The following FIGN variants were observed in gnomAD, a reference collection of about 807,000 sequenced individuals.
FIGN encodes the protein fidgetin.
In FIGN, 11 loss-of-function variants were observed where a neutral mutation model predicts 51.3. That is an observed-to-expected ratio of 0.21 (90% CI 0.13 to 0.35). FIGN has a LOEUF of 0.35. FIGN is among the 10% of genes least tolerant of loss of function. The pLI is 1.00. For missense variants in FIGN, 857 were observed against 943.6 expected (o/e 0.91, Z 1.20); for synonymous variants, 407 against 363.2 (o/e 1.12, Z -1.37).
At chr2:163,671,330 G>C (rs1005710117) in intron 2 of FIGN, among the ~76,000 whole-genome samples, 1 of 152,164 alleles carries the variant, frequency 6.6e-6, no homozygotes, top group African/African-American at 2.4e-5. Context: ...ACCATTTAGG[G>C]AAGTTGAAGA....
intron 2 of FIGN, among the ~76,000 whole-genome samples, chr2:163,703,985 T>C (rs1221190171): frequency 6.6e-6 from 1 of 152,096 alleles, no homozygotes; most frequent in East Asian, 1.9e-4. Flanking sequence ...CTATCCACAT[T>C]ACTATATTAA....
At position 163,606,995 on chromosome 2, in the gene FIGN, T is replaced by A. The variant is rs1691124747; in HGVS notation, c.*2557A>T. The stretch of plus-strand genomic sequence containing the variant: ...TATAAATGAGTGTAAAACACAATAG[T>A]GCAGTCATATATTTGGCATTAAATC... On this transcript the variant is annotated 3_prime_UTR_variant, in exon 3 of 3. Transcript: ENST00000333129. 2 of 152,202 alleles carry A rather than the reference T, an allele frequency of 1.3e-5. No individual in the cohort carries two copies. The highest frequency in any genetic ancestry group is 6.5e-5 in the Admixed American group (1 of 15,272). The allele number at this position is 152,202 out of a possible 1,614,324, so 9.4% of individuals were successfully genotyped here. A position where few individuals can be genotyped will look rare whatever the true frequency, so the allele number is the denominator to read the frequency against.
chr2:163,643,955 A>AAAAAAAAAAC (rs1683344790), intron 2 of FIGN, among the ~76,000 whole-genome samples: 1 of 148,984 alleles, frequency 6.7e-6, no homozygotes, highest in Non-Finnish European at 1.5e-5. Flanking sequence ...AAAAAAAAAA[A>AAAAAAAAAAC]AAAGTCAGAA....
rs766516138 is a variant in FIGN at position 163,611,357 on chromosome 2, T to C, written c.475A>G (p.Thr159Ala). 8.7e-6 allele frequency: 14 copies of C among 1,613,954 alleles called. No individual in the cohort carries two copies. In the Admixed American group the frequency reaches 2.2e-4, roughly 25 times the overall value. Residue 159 changes from threonine (T) to alanine (A), a missense_variant, in exon 3 of 3, where the codon ACA becomes GCA. Around this residue, in one of 3 missense-constraint regions of FIGN, gnomAD observed 799 missense variants for 849.5 expected, o/e 0.94. Coordinates refer to ENST00000333129, the MANE Select transcript of FIGN (RefSeq NM_018086.4). Reference protein sequence around the residue: ...GSSPGVASNLTEPSYSSSTCG... With the variant: ...GSSPGVASNLAEPSYSSSTCG... Reference sequence around the variant, plus strand: ...GTACTACTTGAATAACTAGGTTCTGTCAGGTTGCTGGCTACCCCAGGAGAG... The same window carrying C: ...GTACTACTTGAATAACTAGGTTCTGCCAGGTTGCTGGCTACCCCAGGAGAG...
chr2:163,655,537 C>G (rs1252395746), intron 2 of FIGN, among the ~76,000 whole-genome samples: 1 of 152,114 alleles, frequency 6.6e-6, no homozygotes, highest in African/African-American at 2.4e-5. Flanking sequence ...CTACCAGCAG[C>G]TTTTGTCACT....
At chr2:163,634,947 T>A (rs911262674) in intron 2 of FIGN, among the ~76,000 whole-genome samples, 8 of 152,132 alleles carry the variant, frequency 5.3e-5, no homozygotes, top group Non-Finnish European at 1.2e-4. Flanking sequence ...ATGTGCTCAA[T>A]AAACAAGAAA....
At chr2:163,682,176 G>C (rs1684076306) in intron 2 of FIGN, among the ~76,000 whole-genome samples, 1 of 152,096 alleles carries the variant, frequency 6.6e-6, no homozygotes, top group Admixed American at 6.5e-5. Context: ...CAAAACAGAG[G>C]TTAAAATGAA....
chr2:163,724,945 A>T (rs1167317395), intron 2 of FIGN, among the ~76,000 whole-genome samples: 1 of 152,114 alleles, frequency 6.6e-6, no homozygotes, highest in Non-Finnish European at 1.5e-5. Flanking sequence ...TTTTTTTTAC[A>T]TAATTAATAT....
intron 2 of FIGN, among the ~76,000 whole-genome samples, chr2:163,732,111 T>C (rs1684939898): frequency 6.6e-6 from 1 of 152,210 alleles, no homozygotes; most frequent in Non-Finnish European, 1.5e-5. Context: ...AACTTGGTCA[T>C]TTTCCTAACA....
At chr2:163,646,545 A>T (rs567636644) in intron 2 of FIGN, among the ~76,000 whole-genome samples, 22 of 152,140 alleles carry the variant, frequency 1.4e-4, no homozygotes, top group East Asian at 3.9e-4. Context: ...TTATTTTTTT[A>T]AAAAAAGACA....
chr2:163,651,405 G>A (rs144074259), intron 2 of FIGN, among the ~76,000 whole-genome samples: 3,685 of 152,198 alleles, frequency 0.024, 167 homozygotes, highest in African/African-American at 0.084. Context: ...GCAGTGAGCC[G>A]AGATCAAGCC....
intron 2 of FIGN, among the ~76,000 whole-genome samples, chr2:163,692,175 A>T (rs1684248753): frequency 6.6e-6 from 1 of 152,200 alleles, no homozygotes. Flanking sequence ...TTGTTTAAGT[A>T]AAAGGATTTT....
chr2:163,677,696 T>C (rs983336067), intron 2 of FIGN, among the ~76,000 whole-genome samples: 4 of 152,210 alleles, frequency 2.6e-5, no homozygotes, highest in Non-Finnish European at 5.9e-5. Context: ...TTATTCAAAA[T>C]CATTTTCTTT....
intron 2 of FIGN, among the ~76,000 whole-genome samples, chr2:163,702,163 A>G (rs1306619457): frequency 1.3e-5 from 2 of 152,144 alleles, no homozygotes. Flanking sequence ...ATGAAGCGTA[A>G]TGAAGCTGAT....
chr2:163,648,121 C>G (rs1047576003), intron 2 of FIGN, among the ~76,000 whole-genome samples: 10 of 152,052 alleles, frequency 6.6e-5, no homozygotes, highest in African/African-American at 2.2e-4. Context: ...GAGTTGCCCC[C>G]CAAAAAGCCA....
intron 2 of FIGN, among the ~76,000 whole-genome samples, chr2:163,670,919 T>A (rs181176751): frequency 2.3e-3 from 345 of 152,308 alleles, no homozygotes; most frequent in African/African-American, 8.1e-3. Flanking sequence ...GTATTTCTGT[T>A]TATTTTTGGA....
chr2:163,721,735 G>A lies in FIGN; in HGVS notation c.25+13168C>T, dbSNP rs192195722. 1.2e-3 allele frequency among the ~76,000 whole-genome samples: 182 copies of A among 152,288 alleles called. 1 individual carries two copies. The highest frequency in any genetic ancestry group is 1.3e-4 in the Non-Finnish European group (9 of 68,012). ...ATATGAAGTGGTAAGATAGCATCTAGAACTTTTCAGCTCTCAAGAGCCCAA... is the reference window on the plus strand; with the variant it reads ...ATATGAAGTGGTAAGATAGCATCTAAAACTTTTCAGCTCTCAAGAGCCCAA... On this transcript the variant is annotated intron_variant, in intron 2 of 2. Transcript: ENST00000333129.
intron 2 of FIGN, among the ~76,000 whole-genome samples, chr2:163,646,415 T>C (rs1289669653): frequency 6.6e-6 from 1 of 152,022 alleles, no homozygotes; most frequent in Non-Finnish European, 1.5e-5. Flanking sequence ...TATGCTGGGG[T>C]AGTAGGTTAA....
At chr2:163,730,504 T>TTGTGTGTGTGTG (rs59444555) in intron 2 of FIGN, among the ~76,000 whole-genome samples, 238 of 149,018 alleles carry the variant, frequency 1.6e-3, no homozygotes, top group Middle Eastern at 6.9e-3. Flanking sequence ...TGCTCCGTGT[T>TTGTGTGTGTGTG]TGTGTGTGTG....
Sources: allele counts gnomAD v4.1 joint callset (sites outside exome capture counted in the v4.1 genomes callset), GRCh38; gene constraint gnomAD v4.1.1; regional missense constraint gnomAD v4.1.1; transcripts MANE v1.5; gene names NCBI Gene and HGNC (gene_info 2026-07-23, HGNC 2026-07-21).